SPATA2: variants seen among roughly 807,000 people sequenced by gnomAD.
SPATA2 encodes the protein spermatogenesis-associated protein 2.
Under a neutral mutation model 35.4 loss-of-function variants are expected in SPATA2, and 8 were observed. The observed-to-expected ratio is 0.23, with a 90% CI of 0.13 to 0.41. SPATA2 has a LOEUF of 0.41. Ranked by LOEUF, SPATA2 falls within the 10% of genes least tolerant of loss-of-function variation. SPATA2 has a pLI of 1.00. For synonymous variants in SPATA2, 293 were observed against 300.9 expected, an observed-to-expected ratio of 0.97 and a Z score of 0.27; for missense variants, 650 against 698.7, an observed-to-expected ratio of 0.93 and a Z score of 0.79.
chr20:49,907,502 AC>A (rs1327745483), intron 2 of SPATA2, among the ~76,000 whole-genome samples: 1 of 152,162 alleles, frequency 6.6e-6, no homozygotes, highest in Non-Finnish European at 1.5e-5. Flanking sequence ...GACAATCAGA[AC>A]GTTCCTCTCT....
In SPATA2 at chr20:49,905,492, G is replaced by A. The variant is rs533255800; in HGVS notation, c.*127C>T. ...TCCCACGTGGACACAGCCAGCCCAC[G>A]ATCTCTGCCACCTACATGGTCAAGT... On this transcript the variant is annotated 3_prime_UTR_variant, in exon 3 of 3. Coordinates refer to ENST00000289431, the MANE Select transcript of SPATA2 (RefSeq NM_006038.4). 8 of 1,059,608 alleles carry A rather than the reference G, an allele frequency of 7.5e-6. No individual in the cohort carries two copies. Among genetic ancestry groups the A allele is most frequent in the South Asian group, 1.6e-5 (1 of 61,796 alleles). 65.6% of individuals were successfully genotyped at this position (1,059,608 alleles called of 1,614,324 possible). A position where few individuals can be genotyped will look rare whatever the true frequency, so the allele number is the denominator to read the frequency against.
chr20:49,908,230 G>T lies in SPATA2; in HGVS notation c.261C>A (p.Gly87=). 1 of 1,614,044 alleles carries T rather than the reference G, an allele frequency of 6.2e-7. No individual in the cohort carries two copies. Among genetic ancestry groups the T allele is most frequent in the Non-Finnish European group, 8.5e-7 (1 of 1,180,018 alleles). Residue 87 remains glycine, a synonymous_variant, in exon 2 of 3, where the codon GGC becomes GGA. Coordinates refer to ENST00000289431, the MANE Select transcript of SPATA2 (RefSeq NM_006038.4). ...CCACCGTCTCCAGCATGCTGAAGGC[G>T]CCGTGCAGAGCCCGCAGGCTAGAGG... ...LSSSSLRALH[G]AFSMLETVGI... is the part of the protein sequence containing the mutation.
rs200736077 is a variant in SPATA2 at position 49,908,332 on chromosome 20, G to T, written c.159C>A (p.His53Gln). ...RVAASTLLSL[H>Q]KVDPFYRFRL... is the part of the protein sequence containing the mutation. ...GGAATCGATAAAAGGGATCCACCTT[G>T]TGCAGGCTGAGCAGGGTTGAGGCTG... The change falls in exon 2 of 3, where the codon CAC becomes CAA. Residue 53 changes from histidine to glutamine, a missense_variant. By Grantham distance (24) the His-to-Gln change is conservative. Coordinates refer to ENST00000289431, the MANE Select transcript of SPATA2 (RefSeq NM_006038.4). 1.9e-6 allele frequency: 3 copies of T among 1,614,266 alleles called. No homozygotes were observed. The highest frequency in any genetic ancestry group is 1.3e-5 in the African/African-American group (1 of 75,072).
chr20:49,914,196 C>G (rs1421932652), intron 1 of SPATA2, among the ~76,000 whole-genome samples: 3 of 152,198 alleles, frequency 2.0e-5, no homozygotes, highest in South Asian at 2.1e-4. Context: ...AGATATTGCA[C>G]AGTCAGGGAG....
intron 1 of SPATA2, among the ~76,000 whole-genome samples, chr20:49,914,005 A>G (rs1048162564): frequency 1.3e-5 from 2 of 148,978 alleles, no homozygotes; most frequent in Non-Finnish European, 3.0e-5. Flanking sequence ...CAAGGATTGG[A>G]ACGCCAAGCC....
intron 2 of SPATA2, among the ~76,000 whole-genome samples, chr20:49,907,321 T>C (rs963860421): frequency 6.6e-6 from 1 of 152,068 alleles, no homozygotes; most frequent in Non-Finnish European, 1.5e-5. Flanking sequence ...GGCCTCCCAA[T>C]GTGCTGGGAT....
At position 49,905,727 on chromosome 20, in the gene SPATA2, G is replaced by A. The variant is rs144560123; in HGVS notation, c.1455C>T (p.Ser485=). The A allele has an allele frequency of 2.4e-4, 384 of 1,614,252 alleles. No homozygotes were observed. The African/African-American group carries it at 2.7e-3, about 11-fold the overall frequency. The part of the protein sequence containing the change: ...CSKVSCDACL[S]AYHYDPCYKK... ...TGTAGCAGGGGTCATAATGGTAAGC[G>A]CTGAGGCAGGCGTCACATGAGACTT... Residue 485 remains serine (S), a synonymous_variant, in exon 3 of 3, where the codon AGC becomes AGT. Transcript: ENST00000289431.
At position 49,906,125 on chromosome 20, in the gene SPATA2, G is replaced by A. The variant is rs143076096; in HGVS notation, c.1057C>T (p.Leu353=). 3.9e-4 allele frequency: 622 copies of A among 1,612,414 alleles called. 5 individuals carry two copies. In the East Asian group the frequency reaches 0.013, roughly 34 times the overall value. The part of the protein sequence containing the change: ...PRATYRRQDA[L]RPDVWLLRND... Reference sequence around the variant, plus strand: ...CTGAGCAGCCACACATCCGGCCGCAGAGCATCCTGCCGACGGTAGGTGGCC... The same window carrying A: ...CTGAGCAGCCACACATCCGGCCGCAAAGCATCCTGCCGACGGTAGGTGGCC... The change falls in exon 3 of 3, where the codon CTG becomes TTG. Residue 353 remains leucine (L), a synonymous_variant. Transcript: ENST00000289431. The surrounding 1 kb of genome is among the most constrained non-coding windows in gnomAD (Gnocchi z 8.2).
chr20:49,911,540 G>A (rs771368014), intron 1 of SPATA2, among the ~76,000 whole-genome samples: 31 of 152,058 alleles, frequency 2.0e-4, no homozygotes, highest in South Asian at 8.3e-4. Context: ...GGCAGCATGC[G>A]CCTGTAATCA....
intron 1 of SPATA2, among the ~76,000 whole-genome samples, chr20:49,909,725 G>A (rs2090172291): frequency 6.6e-6 from 1 of 152,114 alleles, no homozygotes; most frequent in East Asian, 1.9e-4. Flanking sequence ...CAGTGAGGCC[G>A]AGGCCACGAG....
chr20:49,906,832 G>A lies in SPATA2; in HGVS notation c.350C>T (p.Pro117Leu), dbSNP rs745438803. 1.2e-6 allele frequency: 2 copies of A among 1,609,584 alleles called. No individual in the cohort carries two copies. Among genetic ancestry groups the A allele is most frequent in the South Asian group, 1.1e-5 (1 of 91,000 alleles). ...TGTCGACTTGACATAATAAACAAAA[G>A]GGCCCGTGTAGGTCTAGAAGGGAGG... ...EFRSIKTYTGPFVYYVKSTLL... is the reference protein window; with the variant it reads ...EFRSIKTYTGLFVYYVKSTLL... The change falls in exon 3 of 3, where the codon CCT becomes CTT. Residue 117 changes from proline (P) to leucine (L), a missense_variant. Transcript: ENST00000289431. This position sits in a 1 kb window ranked among gnomAD's most constrained non-coding sequence, Gnocchi z 8.2.
At chr20:49,907,319 A>C (rs2090153072) in intron 2 of SPATA2, among the ~76,000 whole-genome samples, 1 of 152,122 alleles carries the variant, frequency 6.6e-6, no homozygotes, top group Non-Finnish European at 1.5e-5. Flanking sequence ...TCGGCCTCCC[A>C]ATGTGCTGGG....
At position 49,908,608 on chromosome 20, in the gene SPATA2, C is replaced by G. The variant is rs1019763963; in HGVS notation, c.-102-16G>C. The stretch of plus-strand genomic sequence containing the variant: ...GCGGAGTGCTCTGGAAGGAGGGGAA[C>G]AAGAAGCATGTCATTCCTCGATACG... On this transcript the variant is annotated splice_polypyrimidine_tract_variant and intron_variant, in intron 1 of 2. Coordinates refer to ENST00000289431, the MANE Select transcript of SPATA2 (RefSeq NM_006038.4). 2.4e-6 allele frequency: 2 copies of G among 830,142 alleles called. No individual in the cohort carries two copies. The highest frequency in any genetic ancestry group is 2.9e-5 in the Admixed American group (1 of 34,972). The allele number at this position is 830,142 out of a possible 1,614,324, so 51.4% of individuals were successfully genotyped here.
chr20:49,914,984 T>G (rs2146839133), intron 1 of SPATA2, among the ~76,000 whole-genome samples: 1 of 152,330 alleles, frequency 6.6e-6, no homozygotes, highest in African/African-American at 2.4e-5. Context: ...CAACTGAGGC[T>G]CTTAAGATGA....
rs1391783916 is a variant in SPATA2 at position 49,908,284 on chromosome 20, C to A, written c.207G>T (p.Val69=). Residue 69 remains valine, a synonymous_variant, in exon 2 of 3, where the codon GTG becomes GTT. Coordinates refer to ENST00000289431, the MANE Select transcript of SPATA2 (RefSeq NM_006038.4). ...YRFRLIQFYE[V]VESSLRSLSS... ...TGAGCGAGCGCAAGGAGCTCTCCAC[C>A]ACCTCATAGAACTGGATCAGCCGGA... is the stretch of plus-strand genomic sequence containing the variant. 8.7e-6 allele frequency: 14 copies of A among 1,614,092 alleles called. No individual in the cohort carries two copies. Among genetic ancestry groups the A allele is most frequent in the Non-Finnish European group, 1.2e-5 (14 of 1,180,026 alleles).
intron 1 of SPATA2, among the ~76,000 whole-genome samples, chr20:49,911,508 T>A (rs886702284): frequency 6.0e-5 from 9 of 150,182 alleles, no homozygotes; most frequent in East Asian, 2.0e-4. Context: ...TACCAAAATT[T>A]AAAAAAAAAT....
Position 49,906,053 on chromosome 20 carries a change from C to G in SPATA2, c.1129G>C (p.Glu377Gln). 1 of 1,606,270 alleles carries G rather than the reference C, an allele frequency of 6.2e-7. No individual in the cohort carries two copies. The highest frequency in any genetic ancestry group is 8.5e-7 in the Non-Finnish European group (1 of 1,179,336). The change falls in exon 3 of 3, where the codon GAG (glutamate) becomes CAG (glutamine). Residue 377 changes from glutamate to glutamine, a missense_variant. Coordinates refer to ENST00000289431, the MANE Select transcript of SPATA2 (RefSeq NM_006038.4). The surrounding 1 kb of genome is among the most constrained non-coding windows in gnomAD (Gnocchi z 8.2). ...CTTTGGCACTTGGAGAGGGCGGACT[C>G]TTTGGCAGGGGGCGAGCGCTTGTGG... Reference protein sequence around the residue: ...LYHKRSPPAKESALSKCQSCG... With the variant: ...LYHKRSPPAKQSALSKCQSCG...
Position 49,905,889 on chromosome 20 carries a change from C to T in SPATA2, c.1293G>A (p.Glu431=), listed in dbSNP as rs2146827628. Reference sequence around the variant, plus strand: ...GGCCCTGAGTCTGGCCTGGGTACTTCTCCCGCAGAGATGCCCCGTGGGCCA... The same window carrying T: ...GGCCCTGAGTCTGGCCTGGGTACTTTTCCCGCAGAGATGCCCCGTGGGCCA... ...DSLAHGASLR[E]KYPGQTQGLD... The change falls in exon 3 of 3, where the codon GAG becomes GAA. Residue 431 remains glutamate, a synonymous_variant. Coordinates refer to ENST00000289431, the MANE Select transcript of SPATA2 (RefSeq NM_006038.4). 1 of 1,613,044 alleles carries T rather than the reference C, an allele frequency of 6.2e-7. No individual in the cohort carries two copies. The highest frequency in any genetic ancestry group is 2.2e-5 in the East Asian group (1 of 44,874).
In SPATA2 at chr20:49,904,531, C is replaced by G. The variant is rs1367548192; in HGVS notation, c.*1088G>C. The G allele has an allele frequency of 6.6e-6, 1 of 152,670 alleles. No homozygotes were observed. The highest frequency in any genetic ancestry group is 1.9e-4 in the East Asian group (1 of 5,202). 9.5% of individuals were successfully genotyped at this position (152,670 alleles called of 1,614,324 possible). A position where few individuals can be genotyped will look rare whatever the true frequency, so the allele number is the denominator to read the frequency against. On this transcript the variant is annotated 3_prime_UTR_variant, in exon 3 of 3. Coordinates refer to ENST00000289431, the MANE Select transcript of SPATA2 (RefSeq NM_006038.4). ...CCGACAGGTGAGGTCCCTGAATTGT[C>G]ATAGGTTAGCAGTCTGCAGACACAC...
Sources: gnomAD v4.1 joint callset for allele counts (sites outside exome capture counted in the v4.1 genomes callset) on GRCh38, gnomAD v4.1.1 for gene constraint, Gnocchi (gnomAD v3.1) non-coding constraint, MANE v1.5 for transcripts, NCBI Gene and HGNC (gene_info 2026-07-23, HGNC 2026-07-21) for gene names.